The following ROBO1 variants were observed in gnomAD, a reference collection of about 807,000 sequenced individuals.
The protein encoded by ROBO1 is roundabout guidance receptor 1.
In ROBO1, 149 loss-of-function variants were observed where a neutral mutation model predicts 195.9. The ratio of observed to expected loss-of-function variants is 0.76; its 90% CI spans 0.67 to 0.87. The LOEUF (loss-of-function observed/expected upper bound fraction) is 0.87, where lower values mean the gene tolerates loss of function less well. ROBO1 is among the 40% of genes least tolerant of loss of function. ROBO1 has a pLI of 0.00. For missense variants in ROBO1, 1,933 were observed against 2,068.3 expected (o/e 0.93, Z 1.27); for synonymous variants, 816 against 733.2 (o/e 1.11, Z -1.82).
At chr3:79,303,159 GGTTTTTTTT>G (rs1436970340) in intron 2 of ROBO1, among the ~76,000 whole-genome samples, 15 of 72,078 alleles carry the variant, frequency 2.1e-4, no homozygotes, top group Non-Finnish European at 2.9e-4. Flanking sequence ...ATCTCACATA[GGTTTTTTTT>G]TTTTTTTTTT....
intron 4 of ROBO1, among the ~76,000 whole-genome samples, chr3:78,936,759 C>T (rs567488913): frequency 6.6e-6 from 1 of 152,068 alleles, no homozygotes; most frequent in African/African-American, 2.4e-5. Flanking sequence ...GTCCTGTAAC[C>T]AATCGCCCAT....
chr3:79,430,285 TTACTC>T lies in ROBO1; in HGVS notation c.88+159534_88+159538del, dbSNP rs373288488. Reference sequence around the variant, plus strand: ...AATTAAGTTCAATAAAAATAATACTTTACTCTGCTTAATTCATGTTTAATTTGTCC... The same window carrying T: ...AATTAAGTTCAATAAAAATAATACTTTGCTTAATTCATGTTTAATTTGTCC... On this transcript the variant is annotated intron_variant, in intron 2 of 30. Transcript: ENST00000464233. Among the ~76,000 whole-genome samples, 162 of 152,196 alleles carry T rather than the reference TTACTC, an allele frequency of 1.1e-3. 1 individual carries two copies. Among genetic ancestry groups the T allele is most frequent in the East Asian group, 7.9e-3 (41 of 5,164 alleles).
At chr3:79,133,684 C>A (rs1447412303) in intron 2 of ROBO1, among the ~76,000 whole-genome samples, 2 of 99,272 alleles carry the variant, frequency 2.0e-5, no homozygotes, top group Non-Finnish European at 4.1e-5. Flanking sequence ...TCTCTCAGCT[C>A]GTCAAAATCA....
intron 2 of ROBO1, among the ~76,000 whole-genome samples, chr3:79,161,635 T>G (rs1162522926): frequency 6.6e-6 from 1 of 152,162 alleles, no homozygotes; most frequent in African/African-American, 2.4e-5. Flanking sequence ...ATTTCACATT[T>G]ACACCATAAC....
intron 2 of ROBO1, among the ~76,000 whole-genome samples, chr3:79,547,397 T>C (rs1942311345): frequency 6.6e-6 from 1 of 151,980 alleles, no homozygotes; most frequent in African/African-American, 2.4e-5. Context: ...AGAACTAAGA[T>C]GATTGAACAT....
chr3:78,774,439 T>C (rs931316213), intron 4 of ROBO1, among the ~76,000 whole-genome samples: 16 of 152,186 alleles, frequency 1.1e-4, no homozygotes, highest in African/African-American at 3.4e-4. Flanking sequence ...GCCTCCCAAG[T>C]AGCTGGGACT....
intron 2 of ROBO1, among the ~76,000 whole-genome samples, chr3:79,135,795 G>A (rs922196614): frequency 2.0e-5 from 3 of 151,918 alleles, no homozygotes; most frequent in African/African-American, 7.3e-5. Context: ...GTGGCACCAC[G>A]CCCGGCTAAT....
rs537047981 is a variant in ROBO1 at position 78,953,028 on chromosome 3, G to C, written c.173-14101C>G. ...TAATATTCCTAAAGAATCTAATATCGTATGGCTATGTCCCCAGAGATATGA... is the reference window on the plus strand; with the variant it reads ...TAATATTCCTAAAGAATCTAATATCCTATGGCTATGTCCCCAGAGATATGA... On this transcript the variant is annotated intron_variant, in intron 3 of 30. Coordinates refer to ENST00000464233, the MANE Select transcript of ROBO1 (RefSeq NM_002941.4). 2.0e-4 allele frequency among the ~76,000 whole-genome samples: 30 copies of C among 152,080 alleles called. No homozygotes were observed. In the South Asian group the frequency reaches 5.4e-3, roughly 27 times the overall value.
At chr3:79,372,061 C>T (rs1255228593) in intron 2 of ROBO1, among the ~76,000 whole-genome samples, 2 of 152,126 alleles carry the variant, frequency 1.3e-5, no homozygotes, top group Non-Finnish European at 2.9e-5. Flanking sequence ...CGCAGCTGAT[C>T]TGACAGGAGG....
chr3:79,365,466 C>G (rs2035935111), intron 2 of ROBO1, among the ~76,000 whole-genome samples: 1 of 152,210 alleles, frequency 6.6e-6, no homozygotes, highest in Non-Finnish European at 1.5e-5. Context: ...TCCTCCATCT[C>G]TCTGCTTTAT....
chr3:79,595,012 T>G (rs1351242729), intron 1 of ROBO1, among the ~76,000 whole-genome samples: 1 of 151,924 alleles, frequency 6.6e-6, no homozygotes, highest in Non-Finnish European at 1.5e-5. Flanking sequence ...GACAAATGTA[T>G]AGAACCATGC....
intron 3 of ROBO1, among the ~76,000 whole-genome samples, chr3:78,955,058 TATAGGTAA>T (rs2040973683): frequency 6.6e-6 from 1 of 151,558 alleles, no homozygotes; most frequent in African/African-American, 2.4e-5. Context: ...CATGGGGTTA[TATAGGTAA>T]ACTGTGTGTC....
intron 4 of ROBO1, among the ~76,000 whole-genome samples, chr3:78,888,363 T>C (rs1033148458): frequency 2.6e-5 from 4 of 152,182 alleles, no homozygotes; most frequent in Admixed American, 1.3e-4. Flanking sequence ...TTTTCAATAT[T>C]TAGGCTGATC....
In ROBO1 at chr3:78,704,520, A is replaced by G. The variant is rs138795399; in HGVS notation, c.1045+9877T>C. The stretch of plus-strand genomic sequence containing the variant: ...CTGGCAATAAAGTCTACAGTAAGCT[A>G]TATTGTTTCACTTTTACCTAAATTT... On this transcript the variant is annotated intron_variant, in intron 8 of 30. Coordinates refer to ENST00000464233, the MANE Select transcript of ROBO1 (RefSeq NM_002941.4). Among the ~76,000 whole-genome samples, 34 of 152,122 alleles carry G rather than the reference A, an allele frequency of 2.2e-4. 1 individual carries two copies. The East Asian group carries it at 6.6e-3, about 29-fold the overall frequency.
At chr3:79,510,031 CAAAT>C (rs1378401753) in intron 2 of ROBO1, among the ~76,000 whole-genome samples, 32 of 150,994 alleles carry the variant, frequency 2.1e-4, no homozygotes, top group African/African-American at 6.8e-4. Flanking sequence ...TTCATACAAA[CAAAT>C]AAATAGGAAA....
chr3:78,859,811 G>T (rs1453023472), intron 4 of ROBO1, among the ~76,000 whole-genome samples: 2 of 152,138 alleles, frequency 1.3e-5, no homozygotes, highest in East Asian at 1.9e-4. Context: ...GCCGGTGCAG[G>T]GGCTCGCGCC....
At chr3:79,168,578 A>G (rs2081111243) in intron 2 of ROBO1, among the ~76,000 whole-genome samples, 2 of 151,988 alleles carry the variant, frequency 1.3e-5, no homozygotes, top group African/African-American at 4.8e-5. Flanking sequence ...TATTTTGCTT[A>G]TATTGCTTTT....
intron 2 of ROBO1, among the ~76,000 whole-genome samples, chr3:79,198,506 G>A (rs1260090082): frequency 6.6e-6 from 1 of 151,998 alleles, no homozygotes; most frequent in African/African-American, 2.4e-5. Flanking sequence ...GCTTAGGATT[G>A]TCTTGGCTAT....
intron 2 of ROBO1, among the ~76,000 whole-genome samples, chr3:79,139,823 A>G (rs1475355153): frequency 6.6e-6 from 1 of 152,122 alleles, no homozygotes; most frequent in African/African-American, 2.4e-5. Flanking sequence ...TGTGCTTAGC[A>G]TCTGCTACTG....
Sources: gnomAD v4.1 joint callset for allele counts (sites outside exome capture counted in the v4.1 genomes callset) on GRCh38, gnomAD v4.1.1 for gene constraint, MANE v1.5 for transcripts, NCBI Gene and HGNC (gene_info 2026-07-23, HGNC 2026-07-21) for gene names.